The following ZNF713 variants were observed in gnomAD, a reference collection of about 807,000 sequenced individuals.
ZNF713 encodes zinc finger protein 713.
ZNF713 carries 21 observed loss-of-function variants against 28.7 expected under a neutral mutation model. That is an observed-to-expected ratio of 0.73 (90% CI 0.52 to 1.05). The LOEUF (loss-of-function observed/expected upper bound fraction) is 1.05. Among genes scored for constraint, ZNF713 ranks in the 50% least tolerant of loss-of-function variants. The pLI is 0.00. For synonymous variants in ZNF713, 167 were observed against 178.0 expected, an observed-to-expected ratio of 0.94 and a Z score of 0.49; for missense variants, 458 against 532.4, an observed-to-expected ratio of 0.86 and a Z score of 1.37.
chr7:55,905,828 G>A (rs1265652591), intron 1 of ZNF713, among the ~76,000 whole-genome samples: 1 of 152,060 alleles, frequency 6.6e-6, no homozygotes, highest in Non-Finnish European at 1.5e-5. Flanking sequence ...TTATGGCTGG[G>A]CGCGGTGGCT....
intron 6 of ZNF713, 88 bp downstream of exon 6, chr7:55,923,787 C>T (rs1786044658): frequency 2.0e-6 from 2 of 1,008,394 alleles, no homozygotes; most frequent in African/African-American, 3.2e-5. Context: ...AAATCTCCCT[C>T]TGGGATATAA....
chr7:55,911,348 G>A (rs932926413), intron 2 of ZNF713, among the ~76,000 whole-genome samples: 4 of 152,146 alleles, frequency 2.6e-5, no homozygotes, highest in Non-Finnish European at 4.4e-5. Context: ...ATTGTTTCTC[G>A]AGGCAGAGAG....
At chr7:55,898,076 G>A (rs7810142) in intron 1 of ZNF713, among the ~76,000 whole-genome samples, 22,663 of 151,956 alleles carry the variant, frequency 0.15, 1,892 homozygotes, top group Non-Finnish European at 0.18. Context: ...GTTGAAGATA[G>A]AGTTAATCAC....
chr7:55,903,460 A>G (rs1246530603), intron 1 of ZNF713, among the ~76,000 whole-genome samples: 1 of 152,136 alleles, frequency 6.6e-6, no homozygotes, highest in African/African-American at 2.4e-5. Context: ...ACTTGAGGTC[A>G]GGAGTTCAAG....
rs746072454 is a variant in ZNF713, at chr7:55,940,813, C to CTTTTTTTT, written c.*820_*827dup. On this transcript the variant is annotated 3_prime_UTR_variant, in exon 7 of 7. Transcript: ENST00000429591. ...CACCTGTAAGTTTTATGGTATAAAA[C>CTTTTTTTT]TTTTTTTTTTTTTTTTTTTTGAGGC... The CTTTTTTTT allele has an allele frequency of 2.3e-5, 2 of 88,618 alleles. No homozygotes were observed. Among genetic ancestry groups the CTTTTTTTT allele is most frequent in the African/African-American group, 5.0e-5 (1 of 20,138 alleles). 5.5% of individuals were successfully genotyped at this position (88,618 alleles called of 1,614,324 possible). A position where few individuals can be genotyped will look rare whatever the true frequency, so the allele number is the denominator to read the frequency against.
chr7:55,922,028 C>T (rs1786000739), intron 4 of ZNF713, among the ~76,000 whole-genome samples: 2 of 152,094 alleles, frequency 1.3e-5, no homozygotes, highest in South Asian at 4.2e-4. Context: ...CGGGTTCAAG[C>T]AATTCTTCTG....
intron 4 of ZNF713, among the ~76,000 whole-genome samples, chr7:55,915,329 GT>G (rs1303926501): frequency 2.6e-5 from 4 of 152,024 alleles, no homozygotes; most frequent in Non-Finnish European, 4.4e-5. Context: ...TATGTGACAA[GT>G]TTTTTTTCTT....
intron 1 of ZNF713, among the ~76,000 whole-genome samples, chr7:55,905,107 T>G (rs1003331047): frequency 6.6e-6 from 1 of 152,128 alleles, no homozygotes; most frequent in Non-Finnish European, 1.5e-5. Context: ...TTTTCTAAGG[T>G]AAGAAAGATT....
intron 4 of ZNF713, among the ~76,000 whole-genome samples, chr7:55,920,092 C>A (rs1479357957): frequency 1.3e-5 from 2 of 152,136 alleles, no homozygotes; most frequent in Non-Finnish European, 2.9e-5. Context: ...CAAGTAATAA[C>A]CCTACAATGG....
intron 6 of ZNF713, among the ~76,000 whole-genome samples, chr7:55,927,158 AAGC>A (rs1365934694): frequency 6.6e-6 from 1 of 151,640 alleles, no homozygotes; most frequent in East Asian, 2.0e-4. Context: ...ACAAAAAAAG[AAGC>A]AGCAGCTAGC....
At position 55,896,612 on chromosome 7, in the gene ZNF713, T is replaced by TAC. The variant is rs927118717; in HGVS notation, c.-583+8940_-583+8941dup. Among the ~76,000 whole-genome samples, 32 of 151,130 alleles carry TAC rather than the reference T, an allele frequency of 2.1e-4. No homozygotes were observed. In the South Asian group the frequency reaches 3.3e-3, roughly 16 times the overall value. ...GTGTGTGTGTGTGTGTATATATATA[T>TAC]ACACACACATAAACACACATAATTG... is the stretch of plus-strand genomic sequence containing the variant. On this transcript the variant is annotated intron_variant, in intron 1 of 6. Transcript: ENST00000429591.
chr7:55,916,097 TGGAACC>T (rs1459774889), intron 4 of ZNF713, among the ~76,000 whole-genome samples: 1 of 151,920 alleles, frequency 6.6e-6, no homozygotes, highest in Non-Finnish European at 1.5e-5. Flanking sequence ...CTTCAAAGAG[TGGAACC>T]CAGGAAATGG....
intron 6 of ZNF713, among the ~76,000 whole-genome samples, chr7:55,935,907 A>G (rs1437270939): frequency 6.6e-6 from 1 of 151,938 alleles, no homozygotes; most frequent in Admixed American, 6.6e-5. Context: ...ATGAGCCGAG[A>G]TCACGCCACG....
In ZNF713 at chr7:55,940,003, A is replaced by G. The variant is rs778325134; in HGVS notation, c.1329A>G (p.Thr443=). The change falls in exon 7 of 7, where the codon ACA becomes ACG. Residue 443 remains threonine, a synonymous_variant. Coordinates refer to ENST00000429591, the MANE Select transcript of ZNF713 (RefSeq NM_182633.3). ...TVRHSPSFSS[T] The stretch of plus-strand genomic sequence containing the variant: ...GCCACAGTCCTTCATTTAGCAGCAC[A>G]TAACTTATGGTGGGGGAAATCAGAT... The G allele has an allele frequency of 4.5e-6, 7 of 1,566,082 alleles. No homozygotes were observed. The Admixed American group carries it at 1.3e-4, about 30-fold the overall frequency.
chr7:55,933,142 C>T (rs1786275554), intron 6 of ZNF713, among the ~76,000 whole-genome samples: 3 of 151,030 alleles, frequency 2.0e-5, no homozygotes. Flanking sequence ...GAGGCTGAGG[C>T]AGGAGAATAA....
At chr7:55,923,002 A>G (rs1436099844) in intron 4 of ZNF713, among the ~76,000 whole-genome samples, 160 bp from the exon 5 acceptor site, 1 of 152,240 alleles carries the variant, frequency 6.6e-6, no homozygotes, top group Non-Finnish European at 1.5e-5. Context: ...ATAGAAAGGT[A>G]CTAATTTTTT....
At chr7:55,928,377 T>A (rs567961807) in intron 6 of ZNF713, among the ~76,000 whole-genome samples, 1 of 152,294 alleles carries the variant, frequency 6.6e-6, no homozygotes, top group African/African-American at 2.4e-5. Context: ...TTCAAGTGAT[T>A]TGACAAGTCT....
At chr7:55,906,634 C>T (rs1024741389) in intron 2 of ZNF713, among the ~76,000 whole-genome samples, 1 of 152,096 alleles carries the variant, frequency 6.6e-6, no homozygotes, top group Non-Finnish European at 1.5e-5. Context: ...CAGTGTGGCA[C>T]CTATGGTCTC....
At position 55,919,506 on chromosome 7, in the gene ZNF713, T is replaced by TTTTTTTTTTTTTTG. The variant is rs1562743564; in HGVS notation, c.88-3643_88-3642insGTTTTTTTTTTTTT. Among the ~76,000 whole-genome samples, 20 of 63,114 alleles carry TTTTTTTTTTTTTTG rather than the reference T, an allele frequency of 3.2e-4. 1 individual carries two copies. The highest frequency in any genetic ancestry group is 7.8e-4 in the South Asian group (1 of 1,282). 41.4% of individuals were successfully genotyped at this position (63,114 alleles called of 152,430 possible). ...AACACTCCAGTTTTTTTTTTTTTTT[T>TTTTTTTTTTTTTTG]TTTTTTTTTTTTTTTTTGAGATGAA... On this transcript the variant is annotated intron_variant, in intron 4 of 6. Coordinates refer to ENST00000429591, the MANE Select transcript of ZNF713 (RefSeq NM_182633.3).
Sources: allele counts gnomAD v4.1 joint callset (sites outside exome capture counted in the v4.1 genomes callset), GRCh38; gene constraint gnomAD v4.1.1; transcripts MANE v1.5; gene names NCBI Gene and HGNC (gene_info 2026-07-23, HGNC 2026-07-21).